AGBL3: variants seen among roughly 807,000 people sequenced by gnomAD.
AGBL3 encodes the protein AGBL carboxypeptidase 3.
A neutral mutation model predicts 94.5 loss-of-function variants in AGBL3; 68 were observed. That is an observed-to-expected ratio of 0.72 (90% CI 0.59 to 0.88). AGBL3 has a LOEUF of 0.88. Among genes scored for constraint, AGBL3 ranks in the 40% least tolerant of loss-of-function variants. The pLI, the probability that AGBL3 is intolerant of heterozygous loss-of-function variation, is 0.00. For missense variants in AGBL3, 934 were observed against 1,103.8 expected, an observed-to-expected ratio of 0.85 and a Z score of 2.18; for synonymous variants, 354 against 370.7, an observed-to-expected ratio of 0.95 and a Z score of 0.52.
intron 13 of AGBL3, 29 bp from the exon 14 acceptor site, chr7:135,080,174 T>C: frequency 4.0e-6 from 6 of 1,490,790 alleles, no homozygotes; most frequent in Non-Finnish European, 5.5e-6. Flanking sequence ...TAAAATAGCA[T>C]TGTTTTCTTT....
At chr7:135,073,828 G>A (rs1820205316) in intron 12 of AGBL3, among the ~76,000 whole-genome samples, 1 of 152,174 alleles carries the variant, frequency 6.6e-6, no homozygotes, top group Admixed American at 6.5e-5. Flanking sequence ...GATTAGGTCA[G>A]GGGTCGATCT....
chr7:135,131,878 T>A (rs1446044924), intron 16 of AGBL3, among the ~76,000 whole-genome samples: 3 of 152,110 alleles, frequency 2.0e-5, no homozygotes, highest in African/African-American at 7.2e-5. Flanking sequence ...AAATCCTGCA[T>A]ACATCAAAGA....
intron 12 of AGBL3, 26 bp from the exon 13 acceptor site, chr7:135,076,371 G>T: frequency 1.4e-6 from 2 of 1,445,158 alleles, no homozygotes; most frequent in South Asian, 2.5e-5. Flanking sequence ...ATTAAATATT[G>T]ATTTTAAGTA....
intron 13 of AGBL3, among the ~76,000 whole-genome samples, chr7:135,078,483 C>T (rs967219252): frequency 7.1e-6 from 1 of 140,796 alleles, no homozygotes; most frequent in Admixed American, 7.4e-5. Context: ...ACCCAATAAC[C>T]AAAATAGGTT....
rs1820932878 is a variant in AGBL3 at position 135,081,652 on chromosome 7, T to C, written c.2039-67T>C. On this transcript the variant is annotated intron_variant, in intron 14 of 16. Coordinates refer to ENST00000436302, the MANE Select transcript of AGBL3 (RefSeq NM_178563.4). ...TAGCATTTTCCACTTTGAAAAAAGA[T>C]GAAAAATATGAAATGTAAATGGGCG... 6 of 1,107,166 alleles carry C rather than the reference T, an allele frequency of 5.4e-6. No homozygotes were observed. In the South Asian group the frequency reaches 1.1e-4, roughly 21 times the overall value. The allele number at this position is 1,107,166 out of a possible 1,614,324, so 68.6% of individuals were successfully genotyped here. A position where few individuals can be genotyped will look rare whatever the true frequency, so the allele number is the denominator to read the frequency against.
chr7:135,043,744 A>G (rs1817092334), intron 8 of AGBL3, among the ~76,000 whole-genome samples: 1 of 152,112 alleles, frequency 6.6e-6, no homozygotes, highest in Non-Finnish European at 1.5e-5. Flanking sequence ...AAATTAAAAA[A>G]GAACTTATTT....
intron 12 of AGBL3, among the ~76,000 whole-genome samples, chr7:135,070,188 C>T (rs1819752666): frequency 1.3e-5 from 2 of 152,200 alleles, no homozygotes; most frequent in South Asian, 2.1e-4. Flanking sequence ...GAAGTTGAAT[C>T]TCTGGATAGA....
At chr7:135,115,639 A>T in intron 16 of AGBL3, 28 bp downstream of exon 16, 3 of 1,473,914 alleles carry the variant, frequency 2.0e-6, no homozygotes, top group Non-Finnish European at 2.8e-6. Flanking sequence ...TATCACTCTT[A>T]TCTATTTAAC....
chr7:135,130,221 A>G (rs1828537153), intron 16 of AGBL3, among the ~76,000 whole-genome samples: 1 of 152,214 alleles, frequency 6.6e-6, no homozygotes, highest in Non-Finnish European at 1.5e-5. Flanking sequence ...CTCTGGAGGA[A>G]GCCCTTTACT....
intron 11 of AGBL3, among the ~76,000 whole-genome samples, chr7:135,049,497 T>C (rs1298168989): frequency 6.6e-6 from 1 of 151,996 alleles, no homozygotes; most frequent in Non-Finnish European, 1.5e-5. Flanking sequence ...TTGGCATTAA[T>C]TATTCTTTAA....
intron 3 of AGBL3, among the ~76,000 whole-genome samples, chr7:134,992,299 G>A (rs1317433670): frequency 6.6e-6 from 1 of 152,194 alleles, no homozygotes; most frequent in Non-Finnish European, 1.5e-5. Context: ...CTCCGGGGCT[G>A]AGTTCATTAT....
Position 135,037,529 on chromosome 7 carries a change from C to G in AGBL3, c.1449C>G (p.Tyr483Ter). Residue 483 changes from tyrosine (Y) to a stop codon, truncating the protein, a stop_gained, in exon 8 of 17, where the codon TAC becomes TAG. Coordinates refer to ENST00000436302, the MANE Select transcript of AGBL3 (RefSeq NM_178563.4). LOFTEE classifies it high-confidence loss of function. ...GTAGTGACAGATCTAAGACATTATACTTACAGCAACGAATCTTCCCACTTA... is the reference window on the plus strand; with the variant it reads ...GTAGTGACAGATCTAAGACATTATAGTTACAGCAACGAATCTTCCCACTTA... The part of the protein sequence containing the change: ...CDGSDRSKTL[Y>*]LQQRIFPLML... 1 of 1,546,308 alleles carries G rather than the reference C, an allele frequency of 6.5e-7. No individual in the cohort carries two copies. Among genetic ancestry groups the G allele is most frequent in the South Asian group, 1.2e-5 (1 of 83,194 alleles).
chr7:135,006,391 G>A (rs960233968), intron 4 of AGBL3, among the ~76,000 whole-genome samples: 2 of 151,800 alleles, frequency 1.3e-5, no homozygotes, highest in African/African-American at 2.4e-5. Context: ...AGTAAGGAAG[G>A]AACAAAGTTA....
At chr7:135,008,707 CACAGA>C (rs1373952009) in intron 4 of AGBL3, among the ~76,000 whole-genome samples, 1 of 151,788 alleles carries the variant, frequency 6.6e-6, no homozygotes, top group African/African-American at 2.4e-5. Flanking sequence ...AAATAAAACC[CACAGA>C]ACAAGAGAAA....
At chr7:135,003,409 T>C (rs2133421511) in intron 4 of AGBL3, among the ~76,000 whole-genome samples, 1 of 152,196 alleles carries the variant, frequency 6.6e-6, no homozygotes, top group East Asian at 1.9e-4. Context: ...ACTTAGTTCC[T>C]TACTGTTTTA....
At chr7:135,001,887 A>G (rs1811762898) in intron 4 of AGBL3, among the ~76,000 whole-genome samples, 1 of 152,148 alleles carries the variant, frequency 6.6e-6, no homozygotes, top group Non-Finnish European at 1.5e-5. Flanking sequence ...GCATTTCCTT[A>G]TGCATCCAGT....
At chr7:135,076,537 T>A (rs902192035) in intron 13 of AGBL3, 69 bp downstream of exon 13, 4 of 1,149,620 alleles carry the variant, frequency 3.5e-6, no homozygotes, top group Non-Finnish European at 5.0e-6. Flanking sequence ...AGTTATTTTC[T>A]CTTATACTTC....
chr7:134,993,732 C>A, intron 4 of AGBL3, 54 bp downstream of exon 4: 1 of 1,361,114 alleles, frequency 7.3e-7, no homozygotes, highest in South Asian at 1.9e-5. Context: ...ACTTTGCCAA[C>A]CTTAATTTTA....
At chr7:134,998,428 T>G (rs957255480) in intron 4 of AGBL3, among the ~76,000 whole-genome samples, 2 of 152,222 alleles carry the variant, frequency 1.3e-5, no homozygotes, top group African/African-American at 4.8e-5. Flanking sequence ...ATTTTCCTCA[T>G]TACCTATTTC....
Sources: allele counts gnomAD v4.1 joint callset (sites outside exome capture counted in the v4.1 genomes callset), GRCh38; gene constraint gnomAD v4.1.1; transcripts MANE v1.5; gene names NCBI Gene and HGNC (gene_info 2026-07-23, HGNC 2026-07-21).